Variants in CCDC171 observed in about 807,000 individuals in gnomAD.
CCDC171 encodes coiled-coil domain containing 171.
Under a neutral mutation model 168.2 loss-of-function variants are expected in CCDC171, and 177 were observed. The ratio of observed to expected loss-of-function variants is 1.05; its 90% CI spans 0.93 to 1.19. The LOEUF (loss-of-function observed/expected upper bound fraction) is 1.19. Among genes scored for constraint, CCDC171 ranks in the 50% most tolerant of loss-of-function variants. The pLI, the probability that CCDC171 is intolerant of heterozygous loss-of-function variation, is 0.00. For synonymous variants in CCDC171, 687 were observed against 540.8 expected, an observed-to-expected ratio of 1.27 and a Z score of -3.75; for missense variants, 1,991 against 1,539.0, an observed-to-expected ratio of 1.29 and a Z score of -4.91.
intron 1 of CCDC171, among the ~76,000 whole-genome samples, chr9:16,049,062 A>C (rs1194109078): frequency 6.6e-6 from 1 of 152,178 alleles, no homozygotes; most frequent in Non-Finnish European, 1.5e-5. Context: ...TAAAATCCCT[A>C]ATGTCTACAT....
chr9:15,744,341 G>T lies in CCDC171; in HGVS notation c.2118G>T (p.Leu706Phe). 1.2e-6 allele frequency: 2 copies of T among 1,613,672 alleles called. No homozygotes were observed. Among genetic ancestry groups the T allele is most frequent in the Non-Finnish European group, 1.7e-6 (2 of 1,179,766 alleles). ...ATATTGAGAAGTCACATGAACAGTT[G>T]GTTCTTGAAAATTCGCACTTCAAAA... ...LNHIEKSHEQ[L>F]VLENSHFKKL... The change falls in exon 17 of 26, where the codon TTG becomes TTT. Residue 706 changes from leucine to phenylalanine, a missense_variant. Coordinates refer to ENST00000380701, the MANE Select transcript of CCDC171 (RefSeq NM_173550.4).
intron 3 of CCDC171, among the ~76,000 whole-genome samples, chr9:15,575,010 C>A (rs1307145033): frequency 6.6e-5 from 10 of 152,038 alleles, no homozygotes; most frequent in Admixed American, 5.9e-4. Context: ...TTTTTAGAAT[C>A]ATTTGAGCGT....
chr9:15,703,867 C>T (rs1251828643), intron 11 of CCDC171, among the ~76,000 whole-genome samples: 1 of 152,188 alleles, frequency 6.6e-6, no homozygotes, highest in Non-Finnish European at 1.5e-5. Flanking sequence ...AGTTCACCAT[C>T]TTCTATGGGC....
rs189817675 is a variant in CCDC171, at chr9:15,632,809, G to C, written c.822+9396G>C. Among the ~76,000 whole-genome samples the C allele has an allele frequency of 1.5e-4, 23 of 152,288 alleles. No homozygotes were observed. The East Asian group carries it at 4.2e-3, about 28-fold the overall frequency. On this transcript the variant is annotated intron_variant, in intron 7 of 25. Transcript: ENST00000380701. ...ACAGTAACCAAAACAGTATGGTACTGGTACCAAAACAGAGATATAGATCAA... is the reference window on the plus strand; with the variant it reads ...ACAGTAACCAAAACAGTATGGTACTCGTACCAAAACAGAGATATAGATCAA...
chr9:15,664,697 T>G (rs1564167259), intron 8 of CCDC171, among the ~76,000 whole-genome samples: 1 of 145,080 alleles, frequency 6.9e-6, no homozygotes, highest in Non-Finnish European at 1.5e-5. Flanking sequence ...TAGTTTTGTT[T>G]TTTTTTTTTT....
chr9:15,872,489 T>C (rs1588943974), intron 23 of CCDC171, among the ~76,000 whole-genome samples: 1 of 151,998 alleles, frequency 6.6e-6, no homozygotes, highest in Admixed American at 6.6e-5. Context: ...TTACATTGCT[T>C]ATGGTTTTTT....
chr9:15,751,550 A>G (rs926525484), intron 18 of CCDC171, among the ~76,000 whole-genome samples: 1 of 152,194 alleles, frequency 6.6e-6, no homozygotes, highest in East Asian at 1.9e-4. Flanking sequence ...TGGTACTGGT[A>G]CCAAAACAGA....
At chr9:15,967,558 G>T (rs950341345) in intron 25 of CCDC171, among the ~76,000 whole-genome samples, 1 of 152,142 alleles carries the variant, frequency 6.6e-6, no homozygotes, top group African/African-American at 2.4e-5. Context: ...AAAAAAGTTA[G>T]GGTTTATAGT....
chr9:15,749,084 G>C (rs779669576), intron 18 of CCDC171, among the ~76,000 whole-genome samples: 13 of 151,240 alleles, frequency 8.6e-5, no homozygotes, highest in Non-Finnish European at 1.6e-4. Flanking sequence ...CTCACACGCA[G>C]AGATGCACAT....
chr9:15,573,083 C>G (rs1400607011), intron 3 of CCDC171, among the ~76,000 whole-genome samples: 1 of 152,102 alleles, frequency 6.6e-6, no homozygotes, highest in Non-Finnish European at 1.5e-5. Context: ...CGCTTGAGCC[C>G]TGGAGCTGGA....
intron 24 of CCDC171, among the ~76,000 whole-genome samples, chr9:15,906,010 C>T (rs1355873397): frequency 6.6e-6 from 1 of 152,192 alleles, no homozygotes; most frequent in African/African-American, 2.4e-5. Context: ...ATAACAGGCT[C>T]TGAAATTGAG....
At chr9:15,770,697 A>G (rs771456285) in intron 18 of CCDC171, among the ~76,000 whole-genome samples, 1 of 152,172 alleles carries the variant, frequency 6.6e-6, no homozygotes, top group Non-Finnish European at 1.5e-5. Flanking sequence ...GAGCTATTCT[A>G]TAGCTAGCTG....
At chr9:15,807,097 T>C (rs766144314) in intron 21 of CCDC171, among the ~76,000 whole-genome samples, 17 of 152,212 alleles carry the variant, frequency 1.1e-4, no homozygotes, top group Non-Finnish European at 8.8e-5. Flanking sequence ...TGTGGCTATT[T>C]CATTTGTCAG....
chr9:15,988,291 G>T (rs1832062959), intron 3 of CCDC171, among the ~76,000 whole-genome samples: 1 of 152,142 alleles, frequency 6.6e-6, no homozygotes, highest in Admixed American at 6.5e-5. Context: ...TAGATTAGAA[G>T]AAACATCAGA....
intron 11 of CCDC171, among the ~76,000 whole-genome samples, chr9:15,706,224 CCTTCCTTCCTTCCTTCCTTG>C (rs921981069): frequency 2.7e-5 from 4 of 148,986 alleles, no homozygotes; most frequent in African/African-American, 1.0e-4. Flanking sequence ...AGTCTTCCTT[CCTTCCTTCCTTCCTTCCTTG>C]CTTCCTTCCT....
chr9:15,637,704 G>A (rs188536668), intron 7 of CCDC171, among the ~76,000 whole-genome samples: 1,759 of 145,464 alleles, frequency 0.012, 43 homozygotes, highest in African/African-American at 0.043. Flanking sequence ...CCATCTATGA[G>A]TGAGAACATG....
At chr9:15,618,029 G>A (rs1183720830) in intron 6 of CCDC171, among the ~76,000 whole-genome samples, 4 of 152,216 alleles carry the variant, frequency 2.6e-5, no homozygotes, top group African/African-American at 4.8e-5. Context: ...GAGTGCGGGT[G>A]CGCTGTGCTG....
chr9:15,713,787 T>C (rs181815336), intron 11 of CCDC171, among the ~76,000 whole-genome samples: 75 of 152,028 alleles, frequency 4.9e-4, no homozygotes, highest in Non-Finnish European at 2.9e-5. Flanking sequence ...GCATTCAGAA[T>C]GATGCCATCA....
At chr9:16,040,628 G>T (rs184645951), upstream of CCDC171, among the ~76,000 whole-genome samples, 53 of 152,354 alleles carry the variant, frequency 3.5e-4, no homozygotes, top group African/African-American at 1.1e-3. Flanking sequence ...GGATCTGTCC[G>T]AGCAGAGGGT....
Sources: allele counts gnomAD v4.1 joint callset (sites outside exome capture counted in the v4.1 genomes callset), GRCh38; gene constraint gnomAD v4.1.1; transcripts MANE v1.5; gene names NCBI Gene and HGNC (gene_info 2026-07-23, HGNC 2026-07-21).